CABIN1: variants seen among roughly 807,000 people sequenced by gnomAD.
The protein encoded by CABIN1 is calcineurin binding protein 1.
A neutral mutation model predicts 227.7 loss-of-function variants in CABIN1; 133 were observed. The ratio of observed to expected loss-of-function variants is 0.58; its 90% CI spans 0.51 to 0.67. The LOEUF (loss-of-function observed/expected upper bound fraction) is 0.67, where lower values mean the gene tolerates loss of function less well. Among genes scored for constraint, CABIN1 ranks in the 30% least tolerant of loss-of-function variants. The probability of loss-of-function intolerance (pLI) is 0.00; values close to 1 mark genes in which losing one functional copy is unlikely to be tolerated. For synonymous variants in CABIN1, 1,086 were observed against 1,155.1 expected (o/e 0.94, Z 1.21); for missense variants, 2,408 against 2,852.5 (o/e 0.84, Z 3.55).
chr22:24,176,046 A>G, intron 34 of CABIN1, 65 bp from the exon 35 acceptor site: 2 of 1,547,482 alleles, frequency 1.3e-6, no homozygotes, highest in East Asian at 4.7e-5. Flanking sequence ...AGGACCTGAC[A>G]CAGATGCGTT....
intron 29 of CABIN1, among the ~76,000 whole-genome samples, chr22:24,154,266 C>T (rs945138860): frequency 2.6e-5 from 4 of 152,152 alleles, no homozygotes; most frequent in African/African-American, 9.7e-5. Flanking sequence ...GTGTGAGTGT[C>T]GCTTTGGTCC....
rs1224328500 is a variant in CABIN1 at position 24,059,971 on chromosome 22, G to C, written c.1447G>C (p.Gly483Arg). The change falls in exon 12 of 37, where the codon GGC (glycine) becomes CGC (arginine). Residue 483 changes from glycine to arginine, a missense_variant. Gly to Arg is a moderately radical substitution (Grantham distance 125). This residue lies in a region of CABIN1 where 1,045 missense variants were observed against 1,168.4 expected (regional missense o/e 0.89). Coordinates refer to ENST00000263119, the MANE Select transcript of CABIN1 (RefSeq NM_012295.4). ...CCTGCTGGAGAACCTAACCAACGGG[G>C]GCATCCTGGAGCTGATGATGCGCTA... ...EFLLENLTNG[G>R]ILELMMRYLK... 1 of 1,614,220 alleles carries C rather than the reference G, an allele frequency of 6.2e-7. No individual in the cohort carries two copies. The highest frequency in any genetic ancestry group is 1.7e-5 in the Admixed American group (1 of 60,030).
At chr22:24,030,201 G>C (rs146259022) in intron 1 of CABIN1, among the ~76,000 whole-genome samples, 3 of 152,322 alleles carry the variant, frequency 2.0e-5, no homozygotes, top group African/African-American at 7.2e-5. Context: ...CAGGGCATCA[G>C]TTGTGGCTCT....
At chr22:24,060,202 C>G in intron 12 of CABIN1, 61 bp downstream of exon 12, 1 of 1,469,334 alleles carries the variant, frequency 6.8e-7, no homozygotes, top group East Asian at 2.3e-5. Flanking sequence ...GGACAGGGAT[C>G]TTGCATGGGT....
intron 26 of CABIN1, among the ~76,000 whole-genome samples, chr22:24,103,927 A>G (rs1299114351): frequency 6.6e-6 from 1 of 151,910 alleles, no homozygotes; most frequent in Non-Finnish European, 1.5e-5. Flanking sequence ...GACGGGAGCA[A>G]GTTCTGGGGT....
At chr22:24,012,180 C>CT (rs1279944228) in intron 1 of CABIN1, among the ~76,000 whole-genome samples, 1 of 152,162 alleles carries the variant, frequency 6.6e-6, no homozygotes, top group East Asian at 1.9e-4. Flanking sequence ...GGTCCATACT[C>CT]TGTCTACTTA....
intron 29 of CABIN1, among the ~76,000 whole-genome samples, chr22:24,137,061 A>G (rs1474485737): frequency 1.3e-5 from 2 of 152,148 alleles, no homozygotes; most frequent in African/African-American, 4.8e-5. Flanking sequence ...TTGAAGAGTA[A>G]CTGTAGGAAT....
intron 29 of CABIN1, among the ~76,000 whole-genome samples, chr22:24,136,522 G>GTTTTTTTTTTTTT (rs2044413985): frequency 5.2e-5 from 4 of 77,356 alleles, no homozygotes; most frequent in African/African-American, 2.0e-4. Context: ...GCTAATTTTT[G>GTTTTTTTTTTTTT]TATTTTTTTT....
chr22:24,024,944 T>G (rs1232300008), intron 1 of CABIN1, among the ~76,000 whole-genome samples: 1 of 152,178 alleles, frequency 6.6e-6, no homozygotes, highest in African/African-American at 2.4e-5. Flanking sequence ...TGATTTCCTT[T>G]AGTTGATTCA....
At chr22:24,149,847 T>C (rs1284104921) in intron 29 of CABIN1, among the ~76,000 whole-genome samples, 1 of 152,242 alleles carries the variant, frequency 6.6e-6, no homozygotes, top group Non-Finnish European at 1.5e-5. Flanking sequence ...CTCTGAGCTT[T>C]ATTTCCAGGG....
chr22:24,049,169 T>C lies in CABIN1; in HGVS notation c.605T>C (p.Phe202Ser). ...SKGLVLKEKI[F>S]EEQPCLRKDS... ...GGGCTGGTCCTCAAGGAGAAGATTT[T>C]TGAGGAGCAGCCTTGTCTCCGGAAG... The change falls in exon 7 of 37, where the codon TTT (phenylalanine) becomes TCT (serine). Residue 202 changes from phenylalanine to serine, a missense_variant. By Grantham distance (155) the Phe-to-Ser change is radical. Around this residue, in one of 3 missense-constraint regions of CABIN1, gnomAD observed 1,045 missense variants for 1,168.4 expected, o/e 0.89. Coordinates refer to ENST00000263119, the MANE Select transcript of CABIN1 (RefSeq NM_012295.4). 1.9e-6 allele frequency: 3 copies of C among 1,614,162 alleles called. No homozygotes were observed. Among genetic ancestry groups the C allele is most frequent in the East Asian group, 4.5e-5 (2 of 44,884 alleles).
chr22:24,074,594 G>C (rs750959910), intron 18 of CABIN1, among the ~76,000 whole-genome samples: 1 of 152,198 alleles, frequency 6.6e-6, no homozygotes, highest in Non-Finnish European at 1.5e-5. Flanking sequence ...GCTGAGGGAA[G>C]GGGCCCTGGG....
At chr22:24,146,807 C>T (rs747933904) in intron 29 of CABIN1, among the ~76,000 whole-genome samples, 8 of 152,252 alleles carry the variant, frequency 5.3e-5, no homozygotes, top group Non-Finnish European at 1.0e-4. Context: ...GATGCTTGGG[C>T]AGAGGAAGAT....
At chr22:24,145,705 A>G (rs931279645) in intron 29 of CABIN1, among the ~76,000 whole-genome samples, 1 of 152,190 alleles carries the variant, frequency 6.6e-6, no homozygotes, top group African/African-American at 2.4e-5. Context: ...GGGCGCTAGG[A>G]TGCCTCTGAG....
At chr22:24,044,088 G>T (rs905950742) in intron 6 of CABIN1, among the ~76,000 whole-genome samples, 10 of 152,156 alleles carry the variant, frequency 6.6e-5, no homozygotes, top group African/African-American at 2.4e-4. Context: ...TGGTACGTGG[G>T]TGGAGGGACA....
At chr22:24,013,013 G>A (rs2034942514) in intron 1 of CABIN1, among the ~76,000 whole-genome samples, 1 of 151,676 alleles carries the variant, frequency 6.6e-6, no homozygotes, top group Admixed American at 6.6e-5. Flanking sequence ...CACCCGCCTC[G>A]GCCTCTGAAA....
At position 24,113,559 on chromosome 22, in the gene CABIN1, C is replaced by T. The variant is rs373651546; in HGVS notation, c.4118-7C>T. ...CTCTCGCCCTCTCTTCCTCCTTCTCCCCTCAGACCGAAGCCAGGACAGCAC... is the reference window on the plus strand; with the variant it reads ...CTCTCGCCCTCTCTTCCTCCTTCTCTCCTCAGACCGAAGCCAGGACAGCAC... On this transcript the variant is annotated splice_region_variant and splice_polypyrimidine_tract_variant and intron_variant, in intron 26 of 36. Coordinates refer to ENST00000263119, the MANE Select transcript of CABIN1 (RefSeq NM_012295.4). 12 of 1,613,798 alleles carry T rather than the reference C, an allele frequency of 7.4e-6. No individual in the cohort carries two copies. The Middle Eastern group carries it at 5.0e-4, about 67-fold the overall frequency.
At chr22:24,118,364 C>T (rs2043203907) in intron 27 of CABIN1, among the ~76,000 whole-genome samples, 1 of 152,140 alleles carries the variant, frequency 6.6e-6, no homozygotes, top group Non-Finnish European at 1.5e-5. Context: ...GGCCACACAC[C>T]TGATGTCTGC....
At chr22:24,120,216 G>A (rs2043329514) in intron 28 of CABIN1, among the ~76,000 whole-genome samples, 1 of 152,206 alleles carries the variant, frequency 6.6e-6, no homozygotes, top group African/African-American at 2.4e-5. Context: ...CGCTGGTGCA[G>A]CTGCCAAAAC....
Sources: allele counts gnomAD v4.1 joint callset (sites outside exome capture counted in the v4.1 genomes callset), GRCh38; gene constraint gnomAD v4.1.1; regional missense constraint gnomAD v4.1.1; transcripts MANE v1.5; gene names NCBI Gene and HGNC (gene_info 2026-07-23, HGNC 2026-07-21).